Variants in BHMT observed in about 807,000 individuals in gnomAD.
BHMT encodes betaine--homocysteine S-methyltransferase 1.
BHMT carries 38 observed loss-of-function variants against 49.5 expected under a neutral mutation model. The observed-to-expected ratio is 0.77, with a 90% CI of 0.59 to 1.01. The LOEUF (loss-of-function observed/expected upper bound fraction) is 1.01, where lower values mean the gene tolerates loss of function less well. BHMT is among the 50% of genes least tolerant of loss of function. The pLI is 0.00. For missense variants in BHMT, 426 were observed against 495.7 expected (o/e 0.86, Z 1.34); for synonymous variants, 166 against 176.3 (o/e 0.94, Z 0.46).
Position 79,125,459 on chromosome 5 carries a change from G to GAAAA in BHMT, c.626-571_626-568dup, listed in dbSNP as rs538684708. ...CAACAGAGCAAGAGTCTGTGTCTCA[G>GAAAA]AAAAAAAAAAAAAAAAAAAGAGATG... On this transcript the variant is annotated intron_variant, in intron 5 of 7. Transcript: ENST00000274353. Among the ~76,000 whole-genome samples, 51 of 104,470 alleles carry GAAAA rather than the reference G, an allele frequency of 4.9e-4. 1 individual carries two copies. Among genetic ancestry groups the GAAAA allele is most frequent in the Non-Finnish European group, 6.4e-4 (35 of 54,616 alleles). 68.5% of individuals were successfully genotyped at this position (104,470 alleles called of 152,430 possible).
chr5:79,111,953 C>T (rs1327366506), intron 1 of BHMT, 35 bp downstream of exon 1: 1 of 1,555,082 alleles, frequency 6.4e-7, no homozygotes, highest in African/African-American at 1.4e-5. Flanking sequence ...CGCTCTCCTT[C>T]CCCTCCCACC....
chr5:79,124,813 T>G (rs189959307), intron 5 of BHMT, among the ~76,000 whole-genome samples: 16 of 152,342 alleles, frequency 1.1e-4, no homozygotes, highest in African/African-American at 3.8e-4. Flanking sequence ...TCAAAATGAT[T>G]GATAGGCTAG....
intron 2 of BHMT, 44 bp downstream of exon 2, chr5:79,115,943 T>C: frequency 1.9e-6 from 3 of 1,555,654 alleles, no homozygotes; most frequent in South Asian, 1.2e-5. Flanking sequence ...AGGAGCCGGG[T>C]GTGGAGGCTC....
intron 7 of BHMT, 33 bp from the exon 8 acceptor site, chr5:79,130,900 T>C (rs1329852853): frequency 7.8e-6 from 12 of 1,531,034 alleles, no homozygotes; most frequent in Non-Finnish European, 1.1e-5. Flanking sequence ...GGGAGGAGTC[T>C]GTTGTCTGGT....
At chr5:79,113,841 C>G (rs1423964497) in intron 1 of BHMT, among the ~76,000 whole-genome samples, 3 of 152,182 alleles carry the variant, frequency 2.0e-5, no homozygotes, top group Admixed American at 2.0e-4. Context: ...GGTAACCACT[C>G]AACAAGTGCA....
chr5:79,119,354 A>T lies in BHMT; in HGVS notation c.262A>T (p.Asn88Tyr), dbSNP rs778379680. The change falls in exon 3 of 8, where the codon AAC becomes TAC. Residue 88 changes from asparagine (N) to tyrosine (Y), a missense_variant. Physicochemically the swap from Asn to Tyr is moderately radical, Grantham distance 143 (BLOSUM62 -2). This residue lies in a region of BHMT where 321 missense variants were observed against 355.9 expected (regional missense o/e 0.90). Coordinates refer to ENST00000274353, the MANE Select transcript of BHMT (RefSeq NM_001713.3). The part of the protein sequence containing the change: ...ASEDKLENRG[N>Y]YVLEKISGQE... ...TGAAGACAAGCTGGAGAACAGGGGC[A>T]ACTATGTCTTAGAGAAGATATCTGT... 1.9e-6 allele frequency: 3 copies of T among 1,613,608 alleles called. No homozygotes were observed. Among genetic ancestry groups the T allele is most frequent in the Non-Finnish European group, 2.5e-6 (3 of 1,179,708 alleles).
At chr5:79,126,308 T>C in intron 6 of BHMT, 80 bp downstream of exon 6, 1 of 1,497,304 alleles carries the variant, frequency 6.7e-7, no homozygotes. Flanking sequence ...TACCCAGAGA[T>C]CTTTTGTCAT....
chr5:79,120,005 G>A (rs2112726057), intron 3 of BHMT, among the ~76,000 whole-genome samples: 1 of 152,246 alleles, frequency 6.6e-6, no homozygotes, highest in African/African-American at 2.4e-5. Flanking sequence ...AATCATAAAA[G>A]CAAATCATCA....
chr5:79,114,014 A>G (rs1756346962), intron 1 of BHMT, among the ~76,000 whole-genome samples: 1 of 151,646 alleles, frequency 6.6e-6, no homozygotes, highest in Non-Finnish European at 1.5e-5. Flanking sequence ...TATCCAAATA[A>G]AAGTTAGTAG....
At chr5:79,123,425 A>C (rs1374339160) in intron 5 of BHMT, among the ~76,000 whole-genome samples, 2 of 152,226 alleles carry the variant, frequency 1.3e-5, no homozygotes, top group African/African-American at 2.4e-5. Context: ...CTCATGCTGC[A>C]TCCAGAAATA....
intron 2 of BHMT, among the ~76,000 whole-genome samples, chr5:79,116,774 A>G (rs1285262955): frequency 6.6e-6 from 1 of 152,218 alleles, no homozygotes; most frequent in Non-Finnish European, 1.5e-5. Flanking sequence ...AAGTAATATA[A>G]TGAGGAGTTA....
At position 79,120,520 on chromosome 5, in the gene BHMT, C is replaced by G. The variant is rs537804291; in HGVS notation, c.456C>G (p.Asn152Lys). The G allele has an allele frequency of 1.2e-6, 2 of 1,611,152 alleles. No homozygotes were observed. Among genetic ancestry groups the G allele is most frequent in the Non-Finnish European group, 1.7e-6 (2 of 1,179,232 alleles). Residue 152 changes from asparagine (N) to lysine (K), a missense_variant, in exon 4 of 8, where the codon AAC becomes AAG. Asn to Lys is a moderately conservative substitution (Grantham distance 94). Transcript: ENST00000274353. Reference protein sequence around the residue: ...LQQLEVFMKKNVDFLIAEYFE... With the variant: ...LQQLEVFMKKKVDFLIAEYFE... ...AGTTAGAGGTCTTTATGAAGAAGAA[C>G]GTGGACTTCTTGATTGCAGAGGTAA...
intron 1 of BHMT, 49 bp downstream of exon 1, chr5:79,111,967 T>C (rs1375306753): frequency 6.6e-7 from 1 of 1,522,362 alleles, no homozygotes; most frequent in Non-Finnish European, 8.8e-7. Context: ...TCCCACCTGC[T>C]CTGTATCCCA....
intron 1 of BHMT, among the ~76,000 whole-genome samples, chr5:79,114,202 GA>G (rs1580267558): frequency 6.6e-6 from 1 of 151,710 alleles, no homozygotes; most frequent in Non-Finnish European, 1.5e-5. Flanking sequence ...TTGCAATCAT[GA>G]CAAATATTTG....
At chr5:79,117,579 T>G (rs1756404231) in intron 2 of BHMT, among the ~76,000 whole-genome samples, 1 of 152,236 alleles carries the variant, frequency 6.6e-6, no homozygotes, top group African/African-American at 2.4e-5. Context: ...CACTTGTGTA[T>G]TCATCTCTTT....
At chr5:79,120,603 C>G in intron 4 of BHMT, 62 bp downstream of exon 4, 1 of 1,471,818 alleles carries the variant, frequency 6.8e-7, no homozygotes. Flanking sequence ...CTACCTTTTG[C>G]TTTCAAGAGT....
intron 3 of BHMT, among the ~76,000 whole-genome samples, chr5:79,119,996 A>G (rs540782104): frequency 6.6e-6 from 1 of 152,332 alleles, no homozygotes; most frequent in African/African-American, 2.4e-5. Context: ...AATCTTCTCA[A>G]TCATAAAAGC....
chr5:79,127,033 C>G (rs954259098), intron 6 of BHMT, among the ~76,000 whole-genome samples: 2 of 152,218 alleles, frequency 1.3e-5, no homozygotes, highest in East Asian at 3.8e-4. Context: ...GTGTTACTTA[C>G]TGCTGTATAA....
Position 79,115,382 on chromosome 5 carries a change from G to C in BHMT, c.34-385G>C, listed in dbSNP as rs1281668675. The stretch of plus-strand genomic sequence containing the variant: ...TAACCCTCTCTTTAGTTTGTTGATA[G>C]AGTAAGAAGACTAGTATTTACCATT... On this transcript the variant is annotated intron_variant, in intron 1 of 7. Transcript: ENST00000274353. Among the ~76,000 whole-genome samples the C allele has an allele frequency of 4.1e-5, 5 of 121,464 alleles. No homozygotes were observed. In the East Asian group the frequency reaches 1.6e-3, roughly 38 times the overall value. The allele number at this position is 121,464 out of a possible 152,430, so 79.7% of individuals were successfully genotyped here.
Sources: gnomAD v4.1 joint callset for allele counts (sites outside exome capture counted in the v4.1 genomes callset) on GRCh38, gnomAD v4.1.1 for gene constraint, gnomAD v4.1.1 regional missense constraint, MANE v1.5 for transcripts, NCBI Gene and HGNC (gene_info 2026-07-23, HGNC 2026-07-21) for gene names.